EP400: variants seen among roughly 807,000 people sequenced by gnomAD.
EP400 encodes the protein E1A-binding protein p400.
A neutral mutation model predicts 354.1 loss-of-function variants in EP400; 105 were observed. The ratio of observed to expected loss-of-function variants is 0.30; its 90% confidence interval spans 0.25 to 0.35. The LOEUF (loss-of-function observed/expected upper bound fraction) is 0.35. Among genes scored for constraint, EP400 ranks in the 10% least tolerant of loss-of-function variants. The pLI, the probability that EP400 is intolerant of heterozygous loss-of-function variation, is 1.00. For missense variants in EP400, 3,280 were observed against 4,121.0 expected (o/e 0.80, Z 5.59); for synonymous variants, 1,646 against 1,716.9 (o/e 0.96, Z 1.02).
chr12:132,066,766 C>A lies in EP400; in HGVS notation c.8554-8C>A. 6.2e-7 allele frequency: 1 copy of A among 1,610,166 alleles called. No individual in the cohort carries two copies. The highest frequency in any genetic ancestry group is 2.2e-5 in the East Asian group (1 of 44,670). On this transcript the variant is annotated splice_region_variant and splice_polypyrimidine_tract_variant and intron_variant, in intron 48 of 52. Transcript: ENST00000389561. Reference sequence around the variant, plus strand: ...TCTCTGGACTCTCCCATTATTTCTACTGTTTAGACCCGGGTTCCCACTTCT... The same window carrying A: ...TCTCTGGACTCTCCCATTATTTCTAATGTTTAGACCCGGGTTCCCACTTCT...
At chr12:132,053,659 T>C (rs973559537) in intron 43 of EP400, 62 bp downstream of exon 43, 1 of 1,419,806 alleles carries the variant, frequency 7.0e-7, no homozygotes, top group African/African-American at 1.5e-5. Flanking sequence ...CTGCACTTGA[T>C]TCAAGTGCTT....
At position 132,027,866 on chromosome 12, in the gene EP400, C is replaced by T; in HGVS notation, c.5110-151C>T. 1.1e-6 allele frequency: 1 copy of T among 871,486 alleles called. No homozygotes were observed. 54.0% of individuals were successfully genotyped at this position (871,486 alleles called of 1,614,324 possible). A position where few individuals can be genotyped will look rare whatever the true frequency, so the allele number is the denominator to read the frequency against. On this transcript the variant is annotated intron_variant, in intron 26 of 52. Transcript: ENST00000389561. This position sits in a 1 kb window ranked among gnomAD's most constrained non-coding sequence, Gnocchi z 4.9. ...CTCTATTTCCTGTAGCTCTCGGCTT[C>T]ATTTCTATCTCTATTTCCTGTAACA...
In EP400 at chr12:132,050,510, G is replaced by T; in HGVS notation, c.7337+51G>T. The T allele has an allele frequency of 2.5e-6, 4 of 1,612,860 alleles. No homozygotes were observed. The highest frequency in any genetic ancestry group is 2.2e-5 in the East Asian group (1 of 44,860). The stretch of plus-strand genomic sequence containing the variant: ...TGTTCATTATGACTGAGTAGATTGC[G>T]TGAAGCTTGGTTTTGATGTGTTTTT... On this transcript the variant is annotated intron_variant, in intron 40 of 52. Coordinates refer to ENST00000389561, the MANE Select transcript of EP400 (RefSeq NM_015409.5). The surrounding 1 kb of genome is among the most constrained non-coding windows in gnomAD (Gnocchi z 4.8).
Position 132,013,283 on chromosome 12 carries a change from T to G in EP400, c.3611+105T>G, listed in dbSNP as rs1893823649. 6.9e-7 allele frequency: 1 copy of G among 1,456,868 alleles called. No homozygotes were observed. Among genetic ancestry groups the G allele is most frequent in the African/African-American group, 1.4e-5 (1 of 70,896 alleles). 90.2% of individuals were successfully genotyped at this position (1,456,868 alleles called of 1,614,324 possible). A position where few individuals can be genotyped will look rare whatever the true frequency, so the allele number is the denominator to read the frequency against. The stretch of plus-strand genomic sequence containing the variant: ...CAGACACAAACAATGGCCTTTGAGC[T>G]AGAGAATTGCTTTTCATCTTCATCC... On this transcript the variant is annotated intron_variant, in intron 17 of 52. Transcript: ENST00000389561. This position sits in a 1 kb window ranked among gnomAD's most constrained non-coding sequence, Gnocchi z 4.5.
At position 132,021,298 on chromosome 12, in the gene EP400, C is replaced by A; in HGVS notation, c.4667C>A (p.Ser1556Ter). ...SALPQRLVLPSQAQARLPSGE... is the reference protein window; with the variant it reads ...SALPQRLVLP ...CTGCCTCAGAGGCTGGTGCTCCCCTCGCAGGCCCAGGCCCGCTTGCCCAGT... is the reference window on the plus strand; with the variant it reads ...CTGCCTCAGAGGCTGGTGCTCCCCTAGCAGGCCCAGGCCCGCTTGCCCAGT... Residue 1556 changes from serine to a stop codon, truncating the protein, a stop_gained, in exon 23 of 53, where the codon TCG becomes TAG. Coordinates refer to ENST00000389561, the MANE Select transcript of EP400 (RefSeq NM_015409.5). LOFTEE classifies it high-confidence loss of function. 6.6e-7 allele frequency: 1 copy of A among 1,525,626 alleles called. No homozygotes were observed. The highest frequency in any genetic ancestry group is 8.8e-7 in the Non-Finnish European group (1 of 1,142,800). The allele number at this position is 1,525,626 out of a possible 1,614,324, so 94.5% of individuals were successfully genotyped here.
At chr12:131,985,308 C>T (rs1423797176) in intron 5 of EP400, among the ~76,000 whole-genome samples, 1 of 152,274 alleles carries the variant, frequency 6.6e-6, no homozygotes, top group Non-Finnish European at 1.5e-5. Context: ...AGTGAAGACA[C>T]AGCCGCTCAC....
chr12:131,967,904 T>A (rs1892157187), intron 2 of EP400, among the ~76,000 whole-genome samples: 1 of 152,204 alleles, frequency 6.6e-6, no homozygotes, highest in Non-Finnish European at 1.5e-5. Flanking sequence ...ATTTTTTCAT[T>A]TGCTGTTCGT....
At chr12:131,983,766 A>G (rs776976183) in intron 5 of EP400, among the ~76,000 whole-genome samples, 3 of 151,962 alleles carry the variant, frequency 2.0e-5, no homozygotes, top group Non-Finnish European at 4.4e-5. Flanking sequence ...TGCAGCCTCT[A>G]CTTCCTGGGC....
chr12:132,075,004 T>C lies in EP400; in HGVS notation c.9022-1512T>C, dbSNP rs1010561089. ...GGTGCCACAGGAACACTGCTTGGTGTGTGGCTCAGGCTTTCACTCAGCTCT... is the reference window on the plus strand; with the variant it reads ...GGTGCCACAGGAACACTGCTTGGTGCGTGGCTCAGGCTTTCACTCAGCTCT... On this transcript the variant is annotated intron_variant, in intron 51 of 52. Transcript: ENST00000389561. The surrounding 1 kb of genome is among the most constrained non-coding windows in gnomAD (Gnocchi z 4.5). Among the ~76,000 whole-genome samples, 1 of 152,146 alleles carries C rather than the reference T, an allele frequency of 6.6e-6. No homozygotes were observed. Among genetic ancestry groups the C allele is most frequent in the African/African-American group, 2.4e-5 (1 of 41,424 alleles).
chr12:131,964,705 A>G (rs1202682673), intron 2 of EP400, among the ~76,000 whole-genome samples: 1 of 152,200 alleles, frequency 6.6e-6, no homozygotes, highest in African/African-American at 2.4e-5. Flanking sequence ...TCATTCTCAT[A>G]TATATACACA....
chr12:132,012,019 C>T (rs577566855), intron 16 of EP400, among the ~76,000 whole-genome samples: 1 of 152,310 alleles, frequency 6.6e-6, no homozygotes, highest in East Asian at 1.9e-4. Context: ...ACCCATAGAA[C>T]CATTTCCACA....
rs557466256 is a variant in EP400, at chr12:132,047,750, A to G, written c.7200+1850A>G. On this transcript the variant is annotated intron_variant, in intron 39 of 52. Coordinates refer to ENST00000389561, the MANE Select transcript of EP400 (RefSeq NM_015409.5). ...CAGGAAACAGGGTTTGAGAGCAGAC[A>G]ACCAGTCTGACCAAAATTTATTAGG... is the stretch of plus-strand genomic sequence containing the variant. Among the ~76,000 whole-genome samples the G allele has an allele frequency of 3.9e-5, 6 of 152,344 alleles. No individual in the cohort carries two copies. In the South Asian group the frequency reaches 1.0e-3, roughly 26 times the overall value.
rs1234990684 is a variant in EP400, at chr12:132,027,371, G to T, written c.5015-66G>T. On this transcript the variant is annotated intron_variant, in intron 25 of 52. Transcript: ENST00000389561. The surrounding 1 kb of genome is among the most constrained non-coding windows in gnomAD (Gnocchi z 4.9). ...TGGAGGGTGAGGTTCCATGGAGCATGCTGGTGTCAGATGAAATCCTGTGAA... is the reference window on the plus strand; with the variant it reads ...TGGAGGGTGAGGTTCCATGGAGCATTCTGGTGTCAGATGAAATCCTGTGAA... 4 of 1,524,428 alleles carry T rather than the reference G, an allele frequency of 2.6e-6. No homozygotes were observed. The highest frequency in any genetic ancestry group is 2.7e-6 in the Non-Finnish European group (3 of 1,100,260). 94.4% of individuals were successfully genotyped at this position (1,524,428 alleles called of 1,614,324 possible).
At chr12:131,992,865 A>G (rs1167541984) in intron 11 of EP400, among the ~76,000 whole-genome samples, 1 of 152,196 alleles carries the variant, frequency 6.6e-6, no homozygotes, top group African/African-American at 2.4e-5. Context: ...CTCTTTGATC[A>G]GCATCAGTGT....
intron 1 of EP400, among the ~76,000 whole-genome samples, chr12:131,957,748 A>T (rs965074870): frequency 1.3e-5 from 2 of 152,030 alleles, no homozygotes; most frequent in Non-Finnish European, 2.9e-5. Context: ...GACGTGTGCT[A>T]CCACGCCCAG....
chr12:131,973,016 G>T (rs1289979447), intron 2 of EP400, among the ~76,000 whole-genome samples: 1 of 152,158 alleles, frequency 6.6e-6, no homozygotes, highest in Non-Finnish European at 1.5e-5. Context: ...ACAGGCATGA[G>T]CCACCATGCC....
chr12:131,987,610 C>T, intron 6 of EP400, 95 bp from the exon 7 acceptor site: 1 of 1,111,822 alleles, frequency 9.0e-7, no homozygotes, highest in Non-Finnish European at 1.2e-6. Flanking sequence ...CTGACTGAGC[C>T]TTTTGCATAG....
At chr12:132,055,684 G>A (rs1322434175) in intron 45 of EP400, among the ~76,000 whole-genome samples, 2 of 133,376 alleles carry the variant, frequency 1.5e-5, no homozygotes, top group East Asian at 4.8e-4. Flanking sequence ...GGTGTAGGGG[G>A]GCGTGTGTGA....
At chr12:131,951,860 T>C (rs1270353847) in intron 1 of EP400, among the ~76,000 whole-genome samples, 1 of 152,022 alleles carries the variant, frequency 6.6e-6, no homozygotes, top group African/African-American at 2.4e-5. Flanking sequence ...CACTGCAACC[T>C]CCGCCTCCCG....
Sources: allele counts gnomAD v4.1 joint callset (sites outside exome capture counted in the v4.1 genomes callset), GRCh38; gene constraint gnomAD v4.1.1; non-coding constraint Gnocchi (gnomAD v3.1); transcripts MANE v1.5; gene names NCBI Gene and HGNC (gene_info 2026-07-23, HGNC 2026-07-21).